The following SEPTIN5 variants were observed in gnomAD, a reference collection of about 807,000 sequenced individuals.
SEPTIN5 encodes the protein septin 5.
A neutral mutation model predicts 51.2 loss-of-function variants in SEPTIN5; 16 were observed. The ratio of observed to expected loss-of-function variants is 0.31; its 90% CI spans 0.21 to 0.47. SEPTIN5 has a LOEUF of 0.47. Among genes scored for constraint, SEPTIN5 ranks in the 20% least tolerant of loss-of-function variants. The pLI is 0.99. For synonymous variants in SEPTIN5, 208 were observed against 191.2 expected (o/e 1.09, Z -0.72); for missense variants, 376 against 500.3 (o/e 0.75, Z 2.37).
At chr22:19,721,772 G>T in intron 9 of SEPTIN5, 36 bp downstream of exon 9, 2 of 1,601,202 alleles carry the variant, frequency 1.2e-6, no homozygotes, top group Non-Finnish European at 1.7e-6. Flanking sequence ...TCTGGTGGGG[G>T]AAGGCTGTCC....
chr22:19,720,458 T>C lies in SEPTIN5; in HGVS notation c.497+4T>C. 6.2e-7 allele frequency: 1 copy of C among 1,613,516 alleles called. No individual in the cohort carries two copies. Among genetic ancestry groups the C allele is most frequent in the Non-Finnish European group, 8.5e-7 (1 of 1,179,806 alleles). On this transcript the variant is annotated splice_donor_region_variant and intron_variant, in intron 6 of 11. Transcript: ENST00000455784. ...TCATCTCCCCCTTCGGGCATGGGTG[T>C]GTGGCTGTCCTGGGGCCAGGCTCGG... is the stretch of plus-strand genomic sequence containing the variant.
At position 19,720,579 on chromosome 22, in the gene SEPTIN5, G is replaced by A; in HGVS notation, c.528G>A (p.Lys176=). The A allele has an allele frequency of 6.2e-7, 1 of 1,613,044 alleles. No homozygotes were observed. Among genetic ancestry groups the A allele is most frequent in the South Asian group, 1.1e-5 (1 of 91,084 alleles). ...GGCCAGTGGATGTGGGTTTCATGAA[G>A]GCATTGCATGAGAAGGTCAACATCG... is the stretch of plus-strand genomic sequence containing the variant. ...GLRPVDVGFM[K]ALHEKVNIVP... The change falls in exon 7 of 12, where the codon AAG becomes AAA. Residue 176 remains lysine (K), a synonymous_variant. Coordinates refer to ENST00000455784, the MANE Select transcript of SEPTIN5 (RefSeq NM_002688.6).
intron 11 of SEPTIN5, 44 bp downstream of exon 11, chr22:19,722,383 C>G (rs377258227): frequency 7.4e-5 from 118 of 1,593,696 alleles, no homozygotes; most frequent in Non-Finnish European, 9.2e-5. Flanking sequence ...GTCAGGGATG[C>G]TCCTCCGCGG....
At chr22:19,722,062 A>G in intron 10 of SEPTIN5, 105 bp downstream of exon 10, 1 of 1,396,618 alleles carries the variant, frequency 7.2e-7, no homozygotes, top group Non-Finnish European at 9.7e-7. Flanking sequence ...ACTTTGCACC[A>G]TTCCCTAAGC....
At chr22:19,719,358 G>T in intron 2 of SEPTIN5, 1 of 512,626 alleles carries the variant, frequency 2.0e-6, no homozygotes, top group Non-Finnish European at 3.5e-6. Flanking sequence ...AATAAATACA[G>T]TGTCGGTCCC....
At position 19,722,239 on chromosome 22, in the gene SEPTIN5, A is replaced by G. The variant is rs1374576285; in HGVS notation, c.953A>G (p.Lys318Arg). ...ATCCTCCCCCCCGCCCCGCGCAGCAAACTGACCCAGGACAGCCGCATGGAG... is the reference window on the plus strand; with the variant it reads ...ATCCTCCCCCCCGCCCCGCGCAGCAGACTGACCCAGGACAGCCGCATGGAG... Reference protein sequence around the residue: ...RAHCIQQMTSKLTQDSRMESP... With the variant: ...RAHCIQQMTSRLTQDSRMESP... The change falls in exon 11 of 12, where the codon AAA (lysine) becomes AGA (arginine). Residue 318 changes from lysine to arginine, a missense_variant and splice_region_variant. By Grantham distance (26) the Lys-to-Arg change is conservative. Around this residue, in one of 2 missense-constraint regions of SEPTIN5, gnomAD observed 89 missense variants for 83.3 expected, o/e 1.07. Coordinates refer to ENST00000455784, the MANE Select transcript of SEPTIN5 (RefSeq NM_002688.6). 3.1e-6 allele frequency: 5 copies of G among 1,600,896 alleles called. No homozygotes were observed. Among genetic ancestry groups the G allele is most frequent in the Non-Finnish European group, 4.3e-6 (5 of 1,173,240 alleles).
In SEPTIN5 at chr22:19,720,221, T is replaced by C. The variant is rs1386993246; in HGVS notation, c.345T>C (p.Ala115=). 6.2e-7 allele frequency: 1 copy of C among 1,613,546 alleles called. No individual in the cohort carries two copies. The highest frequency in any genetic ancestry group is 8.5e-7 in the Non-Finnish European group (1 of 1,180,012). The change falls in exon 5 of 12, where the codon GCT becomes GCC. Residue 115 remains alanine (A), a synonymous_variant. Coordinates refer to ENST00000455784, the MANE Select transcript of SEPTIN5 (RefSeq NM_002688.6). ...TIVDTPGFGD[A]VNNTECWKPI... ...TGGACACGCCGGGATTCGGGGACGC[T>C]GTCAACAACACCGAGTGGTGAGTGA...
At chr22:19,722,214 A>ACCC in intron 10 of SEPTIN5, 23 bp from the exon 11 acceptor site, 1 of 903,758 alleles carries the variant, frequency 1.1e-6, no homozygotes, top group Non-Finnish European at 1.7e-6. Flanking sequence ...CGCCCCGCCC[A>ACCC]TCCTCCCCCC....
intron 2 of SEPTIN5, chr22:19,717,280 G>A (rs770385748): frequency 2.1e-6 from 1 of 470,336 alleles, no homozygotes; most frequent in Non-Finnish European, 4.4e-6. Flanking sequence ...CAGGCCCCAT[G>A]TCCTGCTCCG....
chr22:19,722,506 C>T lies in SEPTIN5; in HGVS notation c.*22C>T. On this transcript the variant is annotated 3_prime_UTR_variant, in exon 12 of 12. Coordinates refer to ENST00000455784, the MANE Select transcript of SEPTIN5 (RefSeq NM_002688.6). ...GTGACGCTCGCCGCGGACACACCGT[C>T]CGTCTCCGGGACGCCCTCGCACCCC... 6.3e-7 allele frequency: 1 copy of T among 1,577,950 alleles called. No individual in the cohort carries two copies. Among genetic ancestry groups the T allele is most frequent in the Non-Finnish European group, 8.6e-7 (1 of 1,162,116 alleles).
intron 2 of SEPTIN5, chr22:19,718,766 G>C: frequency 8.1e-7 from 1 of 1,236,844 alleles, no homozygotes; most frequent in Non-Finnish European, 1.0e-6. Flanking sequence ...CCCCAGGACC[G>C]CCTGGTGGAG....
intron 10 of SEPTIN5, 24 bp from the exon 11 acceptor site, chr22:19,722,213 C>CCAACA: frequency 5.4e-6 from 8 of 1,469,040 alleles, no homozygotes; most frequent in Non-Finnish European, 6.5e-6. Flanking sequence ...CCGCCCCGCC[C>CCAACA]ATCCTCCCCC....
rs998178003 is a variant in SEPTIN5, at chr22:19,720,595, G to A, written c.544G>A (p.Val182Ile). 1.2e-6 allele frequency: 2 copies of A among 1,612,916 alleles called. No individual in the cohort carries two copies. The highest frequency in any genetic ancestry group is 2.7e-5 in the African/African-American group (2 of 74,940). Residue 182 changes from valine to isoleucine, a missense_variant, in exon 7 of 12, where the codon GTC becomes ATC. Val to Ile is a conservative substitution (Grantham distance 29). Transcript: ENST00000455784. ...VGFMKALHEKVNIVPLIAKAD... is the reference protein window; with the variant it reads ...VGFMKALHEKINIVPLIAKAD... ...TTTCATGAAGGCATTGCATGAGAAG[G>A]TCAACATCGTGCCTCTCATCGCCAA... is the stretch of plus-strand genomic sequence containing the variant.
intron 2 of SEPTIN5, chr22:19,718,724 G>A: frequency 1.5e-5 from 19 of 1,247,270 alleles, no homozygotes; most frequent in Non-Finnish European, 1.6e-5. Flanking sequence ...CCCGGGCCTG[G>A]GGGGGTCGCC....
intron 10 of SEPTIN5, 122 bp downstream of exon 10, chr22:19,722,079 C>T (rs544060062): frequency 1.4e-5 from 19 of 1,311,708 alleles, no homozygotes; most frequent in South Asian, 1.0e-4. Flanking sequence ...AAGCCCCCCC[C>T]CTCCCCCAGA....
At chr22:19,719,997 G>T in intron 4 of SEPTIN5, 105 bp downstream of exon 4, 1 of 1,600,550 alleles carries the variant, frequency 6.2e-7, no homozygotes, top group Non-Finnish European at 8.5e-7. Flanking sequence ...TGTTCTCGCG[G>T]TGTGGGTCCC....
chr22:19,722,155 C>A, intron 10 of SEPTIN5, 82 bp from the exon 11 acceptor site: 4 of 1,226,616 alleles, frequency 3.3e-6, no homozygotes, highest in Non-Finnish European at 4.5e-6. Context: ...TCAGCAGTGG[C>A]GGGGATGGGC....
chr22:19,715,129 C>T (rs1324696465), intron 2 of SEPTIN5, among the ~76,000 whole-genome samples: 2 of 152,214 alleles, frequency 1.3e-5, no homozygotes, highest in Non-Finnish European at 2.9e-5. Context: ...AGGCCATGGT[C>T]GTGGCAGGCC....
chr22:19,721,977 G>A lies in SEPTIN5; in HGVS notation c.950+20G>A, dbSNP rs1245915823. 7.5e-6 allele frequency: 12 copies of A among 1,592,732 alleles called. No individual in the cohort carries two copies. The highest frequency in any genetic ancestry group is 1.0e-5 in the Non-Finnish European group (12 of 1,169,386). On this transcript the variant is annotated intron_variant, in intron 10 of 11. Transcript: ENST00000455784. Reference sequence around the variant, plus strand: ...GACCAGGTGCGCGCCCCAGCCGCGAGCCAGACCTCGCCCCTCTGGCCCCGC... The same window carrying A: ...GACCAGGTGCGCGCCCCAGCCGCGAACCAGACCTCGCCCCTCTGGCCCCGC...
Sources: gnomAD v4.1 joint callset for allele counts (sites outside exome capture counted in the v4.1 genomes callset) on GRCh38, gnomAD v4.1.1 for gene constraint, gnomAD v4.1.1 regional missense constraint, MANE v1.5 for transcripts, NCBI Gene and HGNC (gene_info 2026-07-23, HGNC 2026-07-21) for gene names.